Variants in SHISA9 observed in about 807,000 individuals in gnomAD.
SHISA9 encodes protein shisa-9.
A neutral mutation model predicts 38.0 loss-of-function variants in SHISA9; 13 were observed. The observed-to-expected ratio is 0.34, with a 90% CI of 0.22 to 0.54. The LOEUF is 0.54. Among genes scored for constraint, SHISA9 ranks in the 20% least tolerant of loss-of-function variants. The pLI is 0.91. For synonymous variants in SHISA9, 275 were observed against 242.0 expected (o/e 1.14, Z -1.27); for missense variants, 538 against 575.8 (o/e 0.93, Z 0.67).
the SHISA9 span, among the ~76,000 whole-genome samples, chr16:13,546,263 C>A: frequency 1.3e-5 from 2 of 152,182 alleles, no homozygotes; most frequent in Non-Finnish European, 2.9e-5. Context: ...ATTGTTCTCC[C>A]TGCTTCTTCC....
At chr16:13,111,698 C>A (rs985278788) in intron 2 of SHISA9, among the ~76,000 whole-genome samples, 3 of 151,826 alleles carry the variant, frequency 2.0e-5, no homozygotes, top group African/African-American at 7.3e-5. Flanking sequence ...CAAATCTTAC[C>A]CTATTCCAGG....
At chr16:13,285,126 G>C in the SHISA9 span, among the ~76,000 whole-genome samples, 3 of 151,872 alleles carry the variant, frequency 2.0e-5, no homozygotes, top group Non-Finnish European at 2.9e-5. Context: ...GACAATCATG[G>C]CTTTAAAATT....
intron 4 of SHISA9, among the ~76,000 whole-genome samples, chr16:13,232,774 A>T (rs1175413219): frequency 3.3e-5 from 5 of 152,222 alleles, no homozygotes; most frequent in Admixed American, 6.5e-5. Context: ...AAGACCTGGG[A>T]TCAATAGAAA....
intron 2 of SHISA9, among the ~76,000 whole-genome samples, chr16:13,032,212 T>G (rs536416621): frequency 2.3e-4 from 35 of 152,230 alleles, no homozygotes; most frequent in Middle Eastern, 3.4e-3. Context: ...ATGTGATGTT[T>G]CCCTCACTGT....
the SHISA9 span, among the ~76,000 whole-genome samples, chr16:13,409,043 C>T: frequency 4.6e-5 from 7 of 152,272 alleles, no homozygotes; most frequent in East Asian, 1.9e-4. Flanking sequence ...CCCCAGGCTC[C>T]GGAAGCAGGA....
At chr16:13,158,712 A>G (rs761089339) in intron 2 of SHISA9, among the ~76,000 whole-genome samples, 5 of 152,134 alleles carry the variant, frequency 3.3e-5, no homozygotes, top group Non-Finnish European at 5.9e-5. Flanking sequence ...TCCAAGGCCC[A>G]TAAGATGGGG....
the SHISA9 span, among the ~76,000 whole-genome samples, chr16:13,453,741 C>T: frequency 6.6e-6 from 1 of 152,158 alleles, no homozygotes; most frequent in Non-Finnish European, 1.5e-5. Flanking sequence ...GTTTTATGCC[C>T]ATTGTTAAAT....
At chr16:13,365,613 C>G in the SHISA9 span, among the ~76,000 whole-genome samples, 7 of 151,912 alleles carry the variant, frequency 4.6e-5, no homozygotes, top group African/African-American at 1.7e-4. Flanking sequence ...CGTACCACCA[C>G]GCCTGGCTAA....
At chr16:13,554,539 T>G in the SHISA9 span, among the ~76,000 whole-genome samples, 2 of 148,350 alleles carry the variant, frequency 1.3e-5, no homozygotes, top group African/African-American at 5.0e-5. Flanking sequence ...TGATGGAGCC[T>G]GGAGTACAGT....
chr16:13,370,645 G>T, the SHISA9 span, among the ~76,000 whole-genome samples: 19 of 152,200 alleles, frequency 1.2e-4, no homozygotes, highest in East Asian at 2.9e-3. Flanking sequence ...GTCTTGTTCA[G>T]TTAGTTATTT....
At chr16:13,490,454 C>A in the SHISA9 span, among the ~76,000 whole-genome samples, 14 of 152,144 alleles carry the variant, frequency 9.2e-5, no homozygotes, top group African/African-American at 3.4e-4. Context: ...AGTCTCAGCT[C>A]CTTGGGAGGA....
chr16:13,119,187 C>T (rs4548843), intron 2 of SHISA9, among the ~76,000 whole-genome samples: 6,367 of 152,240 alleles, frequency 0.042, 242 homozygotes, highest in East Asian at 0.17. Flanking sequence ...CATTTCTTAT[C>T]TCATTTAAGC....
the SHISA9 span, among the ~76,000 whole-genome samples, chr16:13,531,550 AAAG>A: frequency 0.15 from 22,267 of 152,042 alleles, 1,860 homozygotes; most frequent in East Asian, 0.31. Flanking sequence ...ATGATACGAA[AAAG>A]AAGAAGATCA....
intron 2 of SHISA9, among the ~76,000 whole-genome samples, chr16:13,148,689 G>GCACA (rs3075124): frequency 0.2 from 26,704 of 132,282 alleles, 2,756 homozygotes; most frequent in East Asian, 0.37. Flanking sequence ...ACATACACAA[G>GCACA]CACACACACA....
chr16:13,400,521 C>G, the SHISA9 span, among the ~76,000 whole-genome samples: 2 of 152,172 alleles, frequency 1.3e-5, no homozygotes, highest in South Asian at 4.2e-4. Flanking sequence ...CAAGTGTCAT[C>G]CTGTAAGCCA....
chr16:13,170,216 A>AAAAG (rs2050673879), intron 2 of SHISA9, among the ~76,000 whole-genome samples: 1 of 151,778 alleles, frequency 6.6e-6, no homozygotes, highest in African/African-American at 2.4e-5. Flanking sequence ...AAAAAAAAAA[A>AAAAG]AAAAGAAAAG....
chr16:13,358,010 C>T, the SHISA9 span, among the ~76,000 whole-genome samples: 1,461 of 151,744 alleles, frequency 9.6e-3, 26 homozygotes, highest in African/African-American at 0.034. Flanking sequence ...GATATATATA[C>T]GTGCAGGTCA....
chr16:13,007,409 C>G (rs1193339829), intron 2 of SHISA9, among the ~76,000 whole-genome samples: 1 of 152,218 alleles, frequency 6.6e-6, no homozygotes, highest in African/African-American at 2.4e-5. Flanking sequence ...CCTACAGCCT[C>G]CTTTTCCCCA....
the SHISA9 span, among the ~76,000 whole-genome samples, chr16:13,481,659 A>G: frequency 6.6e-6 from 1 of 152,204 alleles, no homozygotes; most frequent in Non-Finnish European, 1.5e-5. Flanking sequence ...CCCGGCACAT[A>G]GAGGCTACTG....
Sources: allele counts gnomAD v4.1 joint callset (sites outside exome capture counted in the v4.1 genomes callset), GRCh38; gene constraint gnomAD v4.1.1; transcripts MANE v1.5; gene names NCBI Gene and HGNC (gene_info 2026-07-23, HGNC 2026-07-21).